Variants in PPFIA2 observed in about 807,000 individuals in gnomAD.
PPFIA2 encodes the protein liprin-alpha-2.
PPFIA2 carries 46 observed loss-of-function variants against 175.5 expected under a neutral mutation model. The observed-to-expected ratio is 0.26, with a 90% CI of 0.21 to 0.34. PPFIA2 has a LOEUF of 0.34. Ranked by LOEUF, PPFIA2 falls within the 10% of genes least tolerant of loss-of-function variation. PPFIA2 has a pLI of 1.00. For synonymous variants in PPFIA2, 568 were observed against 511.4 expected, an observed-to-expected ratio of 1.11 and a Z score of -1.49; for missense variants, 1,179 against 1,506.1, an observed-to-expected ratio of 0.78 and a Z score of 3.60.
intron 4 of PPFIA2, among the ~76,000 whole-genome samples, chr12:81,575,531 A>G (rs1413956380): frequency 2.0e-5 from 3 of 151,898 alleles, no homozygotes; most frequent in Admixed American, 6.6e-5. Flanking sequence ...CATCAGCACT[A>G]TGATAGACAT....
At chr12:81,626,161 T>C (rs1037714311) in intron 4 of PPFIA2, among the ~76,000 whole-genome samples, 5 of 151,716 alleles carry the variant, frequency 3.3e-5, no homozygotes, top group African/African-American at 1.2e-4. Context: ...ACTTTACGTA[T>C]ATTTCCTAAT....
At chr12:81,499,199 G>A (rs1464988264) in intron 4 of PPFIA2, among the ~76,000 whole-genome samples, 1 of 152,100 alleles carries the variant, frequency 6.6e-6, no homozygotes, top group South Asian at 2.1e-4. Context: ...CCTGTAATGT[G>A]TCTTCAAAGG....
intron 1 of PPFIA2, 113 bp downstream of exon 1, chr12:81,759,167 C>G (rs1361116835): frequency 7.5e-6 from 1 of 132,752 alleles, no homozygotes; most frequent in Admixed American, 7.3e-5. Context: ...TCCCCCGGCC[C>G]CCCTTCCCTC....
intron 28 of PPFIA2, among the ~76,000 whole-genome samples, chr12:81,274,511 ACTT>A (rs1428872133): frequency 2.6e-5 from 4 of 151,842 alleles, no homozygotes; most frequent in Non-Finnish European, 5.9e-5. Flanking sequence ...AGAACAAAAT[ACTT>A]CTTTTTTTTT....
At chr12:81,680,188 A>C (rs921320717) in intron 3 of PPFIA2, among the ~76,000 whole-genome samples, 2 of 152,000 alleles carry the variant, frequency 1.3e-5, no homozygotes, top group African/African-American at 4.8e-5. Flanking sequence ...AGGCTACAGA[A>C]TTTATTTAAC....
At chr12:81,437,972 C>A (rs1269597530) in intron 7 of PPFIA2, among the ~76,000 whole-genome samples, 1 of 149,948 alleles carries the variant, frequency 6.7e-6, no homozygotes, top group Non-Finnish European at 1.5e-5. Context: ...GTTTACTAAG[C>A]TGAATCTGGT....
chr12:81,379,506 C>A (rs1346333490), intron 9 of PPFIA2, among the ~76,000 whole-genome samples: 3 of 152,024 alleles, frequency 2.0e-5, no homozygotes, highest in African/African-American at 7.2e-5. Flanking sequence ...ATTCACAAAA[C>A]AAAATGTAAT....
chr12:81,627,511 G>C (rs1033838852), intron 4 of PPFIA2, among the ~76,000 whole-genome samples: 1 of 152,018 alleles, frequency 6.6e-6, no homozygotes, highest in Admixed American at 6.6e-5. Context: ...GTTTTTCCAA[G>C]ACATCATTAC....
intron 4 of PPFIA2, chr12:81,598,354 A>C (rs918525412): frequency 8.9e-6 from 10 of 1,120,196 alleles, no homozygotes; most frequent in Non-Finnish European, 1.1e-5. Context: ...AGTGCTGTGG[A>C]CCTGCCCATC....
At chr12:81,640,639 T>C (rs751087673) in intron 4 of PPFIA2, among the ~76,000 whole-genome samples, 1 of 152,132 alleles carries the variant, frequency 6.6e-6, no homozygotes, top group South Asian at 2.1e-4. Flanking sequence ...ACAGTACAAT[T>C]AAACTTTGTC....
chr12:81,713,910 C>T (rs898407117), intron 3 of PPFIA2, among the ~76,000 whole-genome samples: 1 of 151,106 alleles, frequency 6.6e-6, no homozygotes, highest in Non-Finnish European at 1.5e-5. Flanking sequence ...GTAATAAATG[C>T]TGTTGATGAA....
chr12:81,693,399 C>A (rs2075492901), intron 3 of PPFIA2, among the ~76,000 whole-genome samples: 1 of 151,968 alleles, frequency 6.6e-6, no homozygotes, highest in Non-Finnish European at 1.5e-5. Flanking sequence ...CTCTAACTTT[C>A]TTTTGGTTGC....
intron 3 of PPFIA2, among the ~76,000 whole-genome samples, chr12:81,718,737 A>G (rs760775408): frequency 6.6e-6 from 1 of 151,626 alleles, no homozygotes; most frequent in Non-Finnish European, 1.5e-5. Flanking sequence ...GTTTCTACAG[A>G]TTATGTTCAT....
intron 22 of PPFIA2, among the ~76,000 whole-genome samples, chr12:81,306,992 A>C (rs1373611438): frequency 6.6e-6 from 1 of 152,212 alleles, no homozygotes; most frequent in Non-Finnish European, 1.5e-5. Context: ...TCTAACCAGA[A>C]TTGAAAAGTA....
chr12:81,677,951 T>C (rs1384136928), intron 3 of PPFIA2, among the ~76,000 whole-genome samples: 3 of 151,868 alleles, frequency 2.0e-5, no homozygotes, highest in Non-Finnish European at 4.4e-5. Flanking sequence ...TTCTAGGTTT[T>C]AAAGTAAAAT....
chr12:81,451,239 C>T (rs576386473), intron 5 of PPFIA2, among the ~76,000 whole-genome samples: 4 of 151,972 alleles, frequency 2.6e-5, no homozygotes, highest in Non-Finnish European at 5.9e-5. Context: ...CCATCTTTTA[C>T]CCATTAATTA....
intron 4 of PPFIA2, among the ~76,000 whole-genome samples, chr12:81,471,872 T>A (rs1250395742): frequency 6.6e-6 from 1 of 152,198 alleles, no homozygotes; most frequent in Admixed American, 6.5e-5. Context: ...CATAAGGAAA[T>A]TTTTGAGGTG....
At chr12:81,410,510 A>C (rs1350585422) in intron 7 of PPFIA2, among the ~76,000 whole-genome samples, 1 of 152,098 alleles carries the variant, frequency 6.6e-6, no homozygotes, top group Non-Finnish European at 1.5e-5. Context: ...GTGAGTTAGC[A>C]ACCCACTGAA....
At chr12:81,487,598 T>C (rs1319719274) in intron 4 of PPFIA2, among the ~76,000 whole-genome samples, 2 of 151,764 alleles carry the variant, frequency 1.3e-5, no homozygotes, top group Admixed American at 6.6e-5. Flanking sequence ...GTCCTGCCAA[T>C]CTATAGGTAC....
Sources: gnomAD v4.1 joint callset for allele counts (sites outside exome capture counted in the v4.1 genomes callset) on GRCh38, gnomAD v4.1.1 for gene constraint, MANE v1.5 for transcripts, NCBI Gene and HGNC (gene_info 2026-07-23, HGNC 2026-07-21) for gene names.